Variants in PRG4 observed in about 807,000 individuals in gnomAD.
PRG4 encodes the protein proteoglycan 4, also known as articular superficial zone protein.
In PRG4, 61 loss-of-function variants were observed where a neutral mutation model predicts 91.2. The ratio of observed to expected loss-of-function variants is 0.67; its 90% CI spans 0.54 to 0.83. PRG4 has a LOEUF of 0.83. Among genes scored for constraint, PRG4 ranks in the 40% least tolerant of loss-of-function variants. PRG4 has a pLI of 0.00. For missense variants in PRG4, 1,564 were observed against 1,714.2 expected (o/e 0.91, Z 1.55); for synonymous variants, 576 against 614.2 (o/e 0.94, Z 0.92).
chr1:186,306,807 C>A lies in PRG4; in HGVS notation c.1088C>A (p.Pro363His), dbSNP rs1656615736. 1 of 1,611,104 alleles carries A rather than the reference C, an allele frequency of 6.2e-7. No homozygotes were observed. The highest frequency in any genetic ancestry group is 8.5e-7 in the Non-Finnish European group (1 of 1,178,990). Residue 363 changes from proline to histidine, a missense_variant, in exon 7 of 13, where the codon CCC (proline) becomes CAC (histidine). Physicochemically the swap from Pro to His is moderately conservative, Grantham distance 77 (BLOSUM62 -2). This residue lies in a region of PRG4 where 437 missense variants were observed against 459.0 expected (regional missense o/e 0.95). Transcript: ENST00000445192. Reference sequence around the variant, plus strand: ...CCCAAGGAGCCTGCATCTACCACACCCAAAGAGCCCACACCTACCACCATC... The same window carrying A: ...CCCAAGGAGCCTGCATCTACCACACACAAAGAGCCCACACCTACCACCATC... ...TTPKEPASTT[P>H]KEPTPTTIKS...
chr1:186,311,479 G>T lies in PRG4; in HGVS notation c.3676G>T (p.Ala1226Ser). 1 of 1,613,646 alleles carries T rather than the reference G, an allele frequency of 6.2e-7. No individual in the cohort carries two copies. The highest frequency in any genetic ancestry group is 8.5e-7 in the Non-Finnish European group (1 of 1,179,636). The part of the protein sequence containing the change: ...YWRFTNDIKD[A>S]GYPKPIFKGF... ...GCGTTTTACCAATGATATAAAAGATGCAGGGTACCCCAAACCAATTTTCAA... is the reference window on the plus strand; with the variant it reads ...GCGTTTTACCAATGATATAAAAGATTCAGGGTACCCCAAACCAATTTTCAA... Residue 1226 changes from alanine (A) to serine (S), a missense_variant, in exon 10 of 13, where the codon GCA becomes TCA. Physicochemically the swap from Ala to Ser is moderately conservative, Grantham distance 99 (BLOSUM62 1). Transcript: ENST00000445192.
At chr1:186,304,978 T>C (rs2102017620) in intron 6 of PRG4, 56 bp downstream of exon 6, 2 of 1,559,492 alleles carry the variant, frequency 1.3e-6, no homozygotes, top group Middle Eastern at 1.7e-4. Flanking sequence ...ACAATGATTA[T>C]ATTTAAAAGT....
chr1:186,299,983 T>C lies in PRG4; in HGVS notation c.77-108T>C, dbSNP rs950481802. On this transcript the variant is annotated intron_variant, in intron 2 of 12. Coordinates refer to ENST00000445192, the MANE Select transcript of PRG4 (RefSeq NM_005807.6). ...TTGCTGACATCATTCCAACACCTTCTCGATCAATAAAATTCTCTCTCACCA... is the reference window on the plus strand; with the variant it reads ...TTGCTGACATCATTCCAACACCTTCCCGATCAATAAAATTCTCTCTCACCA... The C allele has an allele frequency of 1.6e-5, 22 of 1,351,018 alleles. No individual in the cohort carries two copies. In the African/African-American group the frequency reaches 3.0e-4, roughly 19 times the overall value. The allele number at this position is 1,351,018 out of a possible 1,614,324, so 83.7% of individuals were successfully genotyped here.
rs375166171 is a variant in PRG4 at position 186,296,966 on chromosome 1, G to A, written c.76+15G>A. ...TTCATCTCAAGGTAGCTTAACCATC[G>A]AACATACTTTTATTTAACAACTATT... is the stretch of plus-strand genomic sequence containing the variant. On this transcript the variant is annotated intron_variant, in intron 2 of 12. Coordinates refer to ENST00000445192, the MANE Select transcript of PRG4 (RefSeq NM_005807.6). The A allele has an allele frequency of 1.5e-4, 242 of 1,600,168 alleles. No homozygotes were observed. Among genetic ancestry groups the A allele is most frequent in the Non-Finnish European group, 2.0e-4 (230 of 1,167,678 alleles).
At position 186,309,685 on chromosome 1, in the gene PRG4, C is replaced by G. The variant is rs933462709; in HGVS notation, c.3422-108C>G. ...CAGGTCAAACTGTGTCCTTCAAGAT[C>G]TTAGAAAAGGTAAACAGGAAATAGA... On this transcript the variant is annotated intron_variant, in intron 7 of 12. Coordinates refer to ENST00000445192, the MANE Select transcript of PRG4 (RefSeq NM_005807.6). 4.7e-6 allele frequency: 4 copies of G among 842,568 alleles called. No homozygotes were observed. The African/African-American group carries it at 6.7e-5, about 14-fold the overall frequency. 52.2% of individuals were successfully genotyped at this position (842,568 alleles called of 1,614,324 possible). A position where few individuals can be genotyped will look rare whatever the true frequency, so the allele number is the denominator to read the frequency against.
At chr1:186,305,034 T>C in intron 6 of PRG4, 112 bp downstream of exon 6, 5 of 1,172,278 alleles carry the variant, frequency 4.3e-6, no homozygotes, top group Non-Finnish European at 6.1e-6. Flanking sequence ...GGGGGGAATA[T>C]AACTTTATGA....
In PRG4 at chr1:186,308,130, C is replaced by A. The variant is rs748737775; in HGVS notation, c.2411C>A (p.Pro804His). The A allele has an allele frequency of 6.2e-7, 1 of 1,609,954 alleles. No individual in the cohort carries two copies. The highest frequency in any genetic ancestry group is 1.3e-5 in the African/African-American group (1 of 74,544). The change falls in exon 7 of 13, where the codon CCC becomes CAC. Residue 804 changes from proline (P) to histidine (H), a missense_variant. Physicochemically the swap from Pro to His is moderately conservative, Grantham distance 77 (BLOSUM62 -2). Around this residue, in one of 3 missense-constraint regions of PRG4, gnomAD observed 1,079 missense variants for 1,162.2 expected, o/e 0.93. Coordinates refer to ENST00000445192, the MANE Select transcript of PRG4 (RefSeq NM_005807.6). ...PKKPAPKELA[P>H]TTTKGPTSTT... is the part of the protein sequence containing the mutation. ...AAGCCTGCCCCCAAGGAGCTTGCAC[C>A]CACCACCACCAAGGGGCCCACATCC...
chr1:186,311,416 T>A, intron 9 of PRG4, 24 bp from the exon 10 acceptor site: 2 of 1,606,422 alleles, frequency 1.2e-6, no homozygotes, highest in Non-Finnish European at 1.7e-6. Context: ...GCTGATAACA[T>A]AATTTTCTCT....
chr1:186,310,659 TTTTTTTTGTA>T (rs1657138199), intron 8 of PRG4, among the ~76,000 whole-genome samples: 1 of 148,432 alleles, frequency 6.7e-6, no homozygotes, highest in Non-Finnish European at 1.5e-5. Flanking sequence ...ATTTTTGTAT[TTTTTTTTGTA>T]TTTTTTTTTT....
At chr1:186,304,969 CAA>C (rs768718487) in intron 6 of PRG4, 47 bp downstream of exon 6, 327 of 1,581,802 alleles carry the variant, frequency 2.1e-4, no homozygotes, top group Admixed American at 8.4e-5. Flanking sequence ...GCCATATTAA[CAA>C]TGATTATATT....
chr1:186,300,542 A>G (rs368498519), intron 3 of PRG4, among the ~76,000 whole-genome samples: 2 of 152,230 alleles, frequency 1.3e-5, no homozygotes, highest in Admixed American at 1.3e-4. Context: ...GTCAGGAGTC[A>G]TTAAGTAAAT....
Position 186,308,383 on chromosome 1 carries a change from T to C in PRG4, c.2664T>C (p.Ala888=), listed in dbSNP as rs373552428. 11 of 1,613,752 alleles carry C rather than the reference T, an allele frequency of 6.8e-6. No homozygotes were observed. The African/African-American group carries it at 1.5e-4, about 22-fold the overall frequency. The change falls in exon 7 of 13, where the codon GCT becomes GCC. Residue 888 remains alanine, a synonymous_variant. Transcript: ENST00000445192. The stretch of plus-strand genomic sequence containing the variant: ...TTTCTGCAGAACCCACACCAAAAGC[T>C]CTTGAAAACAGTCCCAAGGAACCTG... ...PELSAEPTPK[A]LENSPKEPGV...
intron 5 of PRG4, 146 bp from the exon 6 acceptor site, chr1:186,304,648 A>T: frequency 1.0e-6 from 1 of 982,188 alleles, no homozygotes; most frequent in Non-Finnish European, 1.5e-6. Flanking sequence ...CTGACAGATT[A>T]AAAGGCAGTT....
chr1:186,300,269 C>G (rs1656117167), intron 3 of PRG4, 56 bp downstream of exon 3: 1 of 1,609,888 alleles, frequency 6.2e-7, no homozygotes, highest in Non-Finnish European at 8.5e-7. Flanking sequence ...GTCTGTGAGT[C>G]CCCCCTTGCA....
chr1:186,313,154 T>C (rs1657412744), intron 12 of PRG4: 2 of 490,076 alleles, frequency 4.1e-6, no homozygotes, highest in South Asian at 2.2e-5. Context: ...CTGACAATAG[T>C]ATTTTACTTC....
chr1:186,309,172 G>C, intron 7 of PRG4, 32 bp downstream of exon 7: 1 of 1,582,764 alleles, frequency 6.3e-7, no homozygotes, highest in Non-Finnish European at 8.6e-7. Context: ...CATTTTTAAA[G>C]CTGGTAATGT....
Position 186,308,604 on chromosome 1 carries a change from C to G in PRG4, c.2885C>G (p.Ser962Cys), listed in dbSNP as rs1656924210. 2 of 1,613,524 alleles carry G rather than the reference C, an allele frequency of 1.2e-6. No homozygotes were observed. Among genetic ancestry groups the G allele is most frequent in the Non-Finnish European group, 1.7e-6 (2 of 1,179,996 alleles). ...KITATTTQVT[S>C]TTTQDTTPFK... ...ACAGCTACAACCACACAAGTAACATCTACCACAACTCAAGATACCACACCA... is the reference window on the plus strand; with the variant it reads ...ACAGCTACAACCACACAAGTAACATGTACCACAACTCAAGATACCACACCA... The change falls in exon 7 of 13, where the codon TCT becomes TGT. Residue 962 changes from serine (S) to cysteine (C), a missense_variant. By Grantham distance (112) the Ser-to-Cys change is moderately radical. Around this residue, in one of 3 missense-constraint regions of PRG4, gnomAD observed 1,079 missense variants for 1,162.2 expected, o/e 0.93. Transcript: ENST00000445192.
chr1:186,304,790 A>G lies in PRG4; in HGVS notation c.470-4A>G. 6.2e-7 allele frequency: 1 copy of G among 1,610,810 alleles called. No individual in the cohort carries two copies. The highest frequency in any genetic ancestry group is 8.5e-7 in the Non-Finnish European group (1 of 1,177,216). On this transcript the variant is annotated splice_region_variant and splice_polypyrimidine_tract_variant and intron_variant, in intron 5 of 12. Coordinates refer to ENST00000445192, the MANE Select transcript of PRG4 (RefSeq NM_005807.6). The stretch of plus-strand genomic sequence containing the variant: ...TGTGATCAAACTTTCTATTTGATTT[A>G]TAGAACATTCTGTTTCTGAAAATCA...
In PRG4 at chr1:186,312,298, G is replaced by A. The variant is rs1557970634; in HGVS notation, c.3917G>A (p.Arg1306His). ...TTQVRRRRFE[R>H]AIGPSQTHTI... is the part of the protein sequence containing the mutation. The stretch of plus-strand genomic sequence containing the variant: ...CAGGTTAGGAGACGTCGCTTTGAAC[G>A]TGCTATAGGACCTTCTCAAACACAC... The change falls in exon 11 of 13, where the codon CGT becomes CAT. Residue 1306 changes from arginine to histidine, a missense_variant. Physicochemically the swap from Arg to His is conservative, Grantham distance 29. Coordinates refer to ENST00000445192, the MANE Select transcript of PRG4 (RefSeq NM_005807.6). 2 of 1,613,756 alleles carry A rather than the reference G, an allele frequency of 1.2e-6. No individual in the cohort carries two copies. The highest frequency in any genetic ancestry group is 1.7e-5 in the Admixed American group (1 of 59,960).
Sources: gnomAD v4.1 joint callset for allele counts (sites outside exome capture counted in the v4.1 genomes callset) on GRCh38, gnomAD v4.1.1 for gene constraint, gnomAD v4.1.1 regional missense constraint, MANE v1.5 for transcripts, NCBI Gene and HGNC (gene_info 2026-07-23, HGNC 2026-07-21) for gene names.